The following CHRM4 variants were observed in gnomAD, a reference collection of about 807,000 sequenced individuals.
CHRM4 encodes the protein muscarinic acetylcholine receptor M4.
A neutral mutation model predicts 26.3 loss-of-function variants in CHRM4; 5 were observed. That is an observed-to-expected ratio of 0.19 (90% CI 0.10 to 0.40). The LOEUF is 0.40. Ranked by LOEUF, CHRM4 falls within the 10% of genes least tolerant of loss-of-function variation. The probability of loss-of-function intolerance (pLI) is 1.00; values close to 1 mark genes in which losing one functional copy is unlikely to be tolerated. For synonymous variants in CHRM4, 290 were observed against 285.3 expected (o/e 1.02, Z -0.16); for missense variants, 402 against 664.5 (o/e 0.60, Z 4.34).
Position 46,386,438 on chromosome 11 carries a change from G to T in CHRM4, c.120C>A (p.Gly40=). The part of the protein sequence containing the change: ...VEMVFIATVT[G]SLSLVTVVGN... ...CCACGACAGTCACCAGGCTCAGGGAGCCTGTCACTGTGGCAATGAAGACCA... is the reference window on the plus strand; with the variant it reads ...CCACGACAGTCACCAGGCTCAGGGATCCTGTCACTGTGGCAATGAAGACCA... The change falls in exon 2 of 2, where the codon GGC becomes GGA. Residue 40 remains glycine, a synonymous_variant. Coordinates refer to ENST00000682254, the MANE Select transcript of CHRM4 (RefSeq NM_000741.5). This position sits in a 1 kb window ranked among gnomAD's most constrained non-coding sequence, Gnocchi z 5.8. The T allele has an allele frequency of 6.2e-7, 1 of 1,613,922 alleles. No individual in the cohort carries two copies. The highest frequency in any genetic ancestry group is 1.3e-5 in the African/African-American group (1 of 75,034).
At position 46,391,251 on chromosome 11, in the gene CHRM4, G is replaced by A. The variant is rs940451714; in HGVS notation, c.-30+280C>T. The stretch of plus-strand genomic sequence containing the variant: ...GGGAAAAGGGCTCTTTGGGGCTTCA[G>A]CGCCCGGCGCCCTGCTGAGCCGCCA... On this transcript the variant is annotated intron_variant, in intron 1 of 1. Coordinates refer to ENST00000682254, the MANE Select transcript of CHRM4 (RefSeq NM_000741.5). The surrounding 1 kb of genome is among the most constrained non-coding windows in gnomAD (Gnocchi z 6.3). Among the ~76,000 whole-genome samples the A allele has an allele frequency of 4.6e-5, 7 of 152,122 alleles. No homozygotes were observed. The highest frequency in any genetic ancestry group is 1.0e-4 in the Non-Finnish European group (7 of 67,958).
Position 46,384,764 on chromosome 11 carries a change from T to C in CHRM4, c.*354A>G, listed in dbSNP as rs1293112410. On this transcript the variant is annotated 3_prime_UTR_variant, in exon 2 of 2. Coordinates refer to ENST00000682254, the MANE Select transcript of CHRM4 (RefSeq NM_000741.5). ...TTTCCAAGCACTGGCCCCTTTGTTC[T>C]TCCTGAGGGGGCCCTGGGCTTCGGC... is the stretch of plus-strand genomic sequence containing the variant. 6.6e-6 allele frequency among the ~76,000 whole-genome samples: 1 copy of C among 152,234 alleles called. No homozygotes were observed. The highest frequency in any genetic ancestry group is 6.5e-5 in the Admixed American group (1 of 15,290).
chr11:46,386,520 T>A lies in CHRM4; in HGVS notation c.38A>T (p.Asn13Ile). ...TGACGTGACCAGGCGCACGGACTGA[T>A]TGCCCGAGCTGCCATTGACAGGTGT... ...NFTPVNGSSG[N>I]QSVRLVTSSS... The change falls in exon 2 of 2, where the codon AAT (asparagine) becomes ATT (isoleucine). Residue 13 changes from asparagine to isoleucine, a missense_variant. Physicochemically the swap from Asn to Ile is moderately radical, Grantham distance 149 (BLOSUM62 -3). Coordinates refer to ENST00000682254, the MANE Select transcript of CHRM4 (RefSeq NM_000741.5). The surrounding 1 kb of genome is among the most constrained non-coding windows in gnomAD (Gnocchi z 5.8). The A allele has an allele frequency of 1.2e-6, 2 of 1,612,624 alleles. No individual in the cohort carries two copies. The highest frequency in any genetic ancestry group is 3.3e-5 in the Admixed American group (2 of 60,004).
Position 46,386,105 on chromosome 11 carries a change from G to A in CHRM4, c.453C>T (p.Leu151=). ...ACAGTACCCAGGCAGCAGCAATCAT[G>A]AGGCCTGCCATCTTGGTGGTGCGCC... is the stretch of plus-strand genomic sequence containing the variant. ...PARRTTKMAG[L]MIAAAWVLSF... Residue 151 remains leucine (L), a synonymous_variant, in exon 2 of 2, where the codon CTC becomes CTT. Transcript: ENST00000682254. This position sits in a 1 kb window ranked among gnomAD's most constrained non-coding sequence, Gnocchi z 5.8. 3 of 1,613,534 alleles carry A rather than the reference G, an allele frequency of 1.9e-6. No individual in the cohort carries two copies. Among genetic ancestry groups the A allele is most frequent in the Middle Eastern group, 1.6e-4 (1 of 6,062 alleles).
intron 1 of CHRM4, among the ~76,000 whole-genome samples, chr11:46,389,729 C>G (rs943265267): frequency 1.3e-5 from 2 of 152,220 alleles, no homozygotes; most frequent in Admixed American, 1.3e-4. Flanking sequence ...CCGTCGGACG[C>G]CGCCCCAGAG....
At position 46,386,022 on chromosome 11, in the gene CHRM4, G is replaced by T. The variant is rs759941649; in HGVS notation, c.536C>A (p.Thr179Lys). 2 of 1,613,062 alleles carry T rather than the reference G, an allele frequency of 1.2e-6. No individual in the cohort carries two copies. Among genetic ancestry groups the T allele is most frequent in the African/African-American group, 1.3e-5 (1 of 74,912 alleles). Residue 179 changes from threonine (T) to lysine (K), a missense_variant, in exon 2 of 2, where the codon ACG becomes AAG. By Grantham distance (78) the Thr-to-Lys change is moderately conservative. Coordinates refer to ENST00000682254, the MANE Select transcript of CHRM4 (RefSeq NM_000741.5). The surrounding 1 kb of genome is among the most constrained non-coding windows in gnomAD (Gnocchi z 5.8). The stretch of plus-strand genomic sequence containing the variant: ...GATGAAGCACTGGTTGTCGGGCACC[G>T]TCCGCTTACCCACCACAAACTGCCA... ...LFWQFVVGKRTVPDNQCFIQF... is the reference protein window; with the variant it reads ...LFWQFVVGKRKVPDNQCFIQF...
In CHRM4 at chr11:46,384,245, TGA is replaced by T. The variant is rs1425200533; in HGVS notation, c.*871_*872del. On this transcript the variant is annotated 3_prime_UTR_variant, in exon 2 of 2. Transcript: ENST00000682254. ...CTTCCCACTGTCATGGAAACCCGAG[TGA>T]GCCACCAGGTTGACCCCTTTCCTCT... 3.3e-5 allele frequency among the ~76,000 whole-genome samples: 5 copies of T among 152,176 alleles called. No homozygotes were observed. Among genetic ancestry groups the T allele is most frequent in the African/African-American group, 1.2e-4 (5 of 41,440 alleles).
intron 1 of CHRM4, among the ~76,000 whole-genome samples, chr11:46,389,023 T>C (rs534234601): frequency 1.3e-5 from 2 of 152,364 alleles, no homozygotes; most frequent in Admixed American, 6.5e-5. Flanking sequence ...AGTGTCCTCA[T>C]CTTACAGATG....
Position 46,385,564 on chromosome 11 carries a change from C to T in CHRM4, c.994G>A (p.Ala332Thr). 6.4e-7 allele frequency: 1 copy of T among 1,563,228 alleles called. No homozygotes were observed. ...AMPAPPLQPR[A>T]LNPASRWSKI... ...GACCATCTGGAGGCTGGGTTGAGGGCCCGCGGCTGCAGGGGAGGGGCGGGC... is the reference window on the plus strand; with the variant it reads ...GACCATCTGGAGGCTGGGTTGAGGGTCCGCGGCTGCAGGGGAGGGGCGGGC... The change falls in exon 2 of 2, where the codon GCC becomes ACC. Residue 332 changes from alanine to threonine, a missense_variant. Coordinates refer to ENST00000682254, the MANE Select transcript of CHRM4 (RefSeq NM_000741.5). The surrounding 1 kb of genome is among the most constrained non-coding windows in gnomAD (Gnocchi z 6.3).
rs1945301158 is a variant in CHRM4, at chr11:46,383,948, C to A, written c.*1170G>T. The A allele has an allele frequency of 3.8e-6, 1 of 260,944 alleles. No homozygotes were observed. The highest frequency in any genetic ancestry group is 2.3e-5 in the African/African-American group (1 of 44,312). 16.2% of individuals were successfully genotyped at this position (260,944 alleles called of 1,614,324 possible). On this transcript the variant is annotated 3_prime_UTR_variant, in exon 2 of 2. Coordinates refer to ENST00000682254, the MANE Select transcript of CHRM4 (RefSeq NM_000741.5). ...GCTTGGTGGTGGGTGCTCTCCAGAG[C>A]TCATGGAAAAAGCAGAACAATTACA...
rs1436805468 is a variant in CHRM4 at position 46,384,842 on chromosome 11, GC to G, written c.*275del. Among the ~76,000 whole-genome samples, 26 of 152,244 alleles carry G rather than the reference GC, an allele frequency of 1.7e-4. No homozygotes were observed. Among genetic ancestry groups the G allele is most frequent in the African/African-American group, 6.3e-4 (26 of 41,462 alleles). On this transcript the variant is annotated 3_prime_UTR_variant, in exon 2 of 2. Transcript: ENST00000682254. ...ACTGCTGATGGTTGGTCACAGTGGG[GC>G]AGGTGCCCACCCAGGCCAGTGCCCC...
intron 1 of CHRM4, among the ~76,000 whole-genome samples, chr11:46,389,291 T>C (rs970685553): frequency 6.6e-6 from 1 of 152,210 alleles, no homozygotes; most frequent in African/African-American, 2.4e-5. Flanking sequence ...AGACAAGCGA[T>C]GTCTTGTCTT....
rs1443582701 is a variant in CHRM4, at chr11:46,391,076, G to C, written c.-30+455C>G. On this transcript the variant is annotated intron_variant, in intron 1 of 1. Coordinates refer to ENST00000682254, the MANE Select transcript of CHRM4 (RefSeq NM_000741.5). This position sits in a 1 kb window ranked among gnomAD's most constrained non-coding sequence, Gnocchi z 6.3. ...GGCTTGGAGGCTGGGCAGCAAAGGG[G>C]GGTAGTACCGGAGCGGGGGAGGGGT... Among the ~76,000 whole-genome samples the C allele has an allele frequency of 6.6e-6, 1 of 152,084 alleles. No individual in the cohort carries two copies. The highest frequency in any genetic ancestry group is 1.5e-5 in the Non-Finnish European group (1 of 67,984).
In CHRM4 at chr11:46,385,754, G is replaced by C; in HGVS notation, c.804C>G (p.Arg268=). 1 of 1,597,760 alleles carries C rather than the reference G, an allele frequency of 6.3e-7. No individual in the cohort carries two copies. Among genetic ancestry groups the C allele is most frequent in the Non-Finnish European group, 8.5e-7 (1 of 1,171,744 alleles). Residue 268 remains arginine (R), a synonymous_variant, in exon 2 of 2, where the codon CGC becomes CGG. Transcript: ENST00000682254. This position sits in a 1 kb window ranked among gnomAD's most constrained non-coding sequence, Gnocchi z 6.3. ...PPGEAAREEL[R]NGKLEEAPPP... is the part of the protein sequence containing the mutation. ...GGGGGGCCTCCTCCAGCTTGCCATT[G>C]CGCAGCTCCTCCCGGGCGGCCTCCC...
chr11:46,385,557 T>C lies in CHRM4; in HGVS notation c.1001A>G (p.Asn334Ser). The change falls in exon 2 of 2, where the codon AAC becomes AGC. Residue 334 changes from asparagine to serine, a missense_variant. Asn to Ser is a conservative substitution (Grantham distance 46, BLOSUM62 1). Coordinates refer to ENST00000682254, the MANE Select transcript of CHRM4 (RefSeq NM_000741.5). This position sits in a 1 kb window ranked among gnomAD's most constrained non-coding sequence, Gnocchi z 6.3. ...GATCTTGGACCATCTGGAGGCTGGG[T>C]TGAGGGCCCGCGGCTGCAGGGGAGG... The part of the protein sequence containing the change: ...PAPPLQPRAL[N>S]PASRWSKIQI... The C allele has an allele frequency of 6.4e-7, 1 of 1,568,334 alleles. No homozygotes were observed. Among genetic ancestry groups the C allele is most frequent in the Non-Finnish European group, 8.7e-7 (1 of 1,151,364 alleles).
Position 46,384,998 on chromosome 11 carries a change from C to G in CHRM4, c.*120G>C. 1 of 1,402,812 alleles carries G rather than the reference C, an allele frequency of 7.1e-7. No homozygotes were observed. Among genetic ancestry groups the G allele is most frequent in the Non-Finnish European group, 9.5e-7 (1 of 1,057,828 alleles). 86.9% of individuals were successfully genotyped at this position (1,402,812 alleles called of 1,614,324 possible). A position where few individuals can be genotyped will look rare whatever the true frequency, so the allele number is the denominator to read the frequency against. ...CAGCCACAGAGCCTCTTCTGAACTT[C>G]CTCCTCAGCAAACGTGAACGCAGAA... On this transcript the variant is annotated 3_prime_UTR_variant, in exon 2 of 2. Coordinates refer to ENST00000682254, the MANE Select transcript of CHRM4 (RefSeq NM_000741.5).
Position 46,386,354 on chromosome 11 carries a change from G to C in CHRM4, c.204C>G (p.Asn68Lys). 1 of 1,614,024 alleles carries C rather than the reference G, an allele frequency of 6.2e-7. No homozygotes were observed. Among genetic ancestry groups the C allele is most frequent in the Non-Finnish European group, 8.5e-7 (1 of 1,179,938 alleles). The change falls in exon 2 of 2, where the codon AAC (asparagine) becomes AAG (lysine). Residue 68 changes from asparagine (N) to lysine (K), a missense_variant. Asn to Lys is a moderately conservative substitution (Grantham distance 94). Coordinates refer to ENST00000682254, the MANE Select transcript of CHRM4 (RefSeq NM_000741.5). This position sits in a 1 kb window ranked among gnomAD's most constrained non-coding sequence, Gnocchi z 5.8. ...CACACGCCAGGCTGAAGAGGAAGTA[G>C]TTGTTGACTGTCTGCAGCTGCCTGT... ...KVNRQLQTVN[N>K]YFLFSLACAD...
chr11:46,385,060 T>C lies in CHRM4; in HGVS notation c.*58A>G, dbSNP rs553550036. The C allele has an allele frequency of 6.0e-6, 9 of 1,501,160 alleles. No homozygotes were observed. In the South Asian group the frequency reaches 1.0e-4, roughly 17 times the overall value. The allele number at this position is 1,501,160 out of a possible 1,614,324, so 93.0% of individuals were successfully genotyped here. A position where few individuals can be genotyped will look rare whatever the true frequency, so the allele number is the denominator to read the frequency against. ...ACTCTTCCCCACAGCAAGTGAGCCG[T>C]GTGGTCCCCCCAGCACACGCACGCA... is the stretch of plus-strand genomic sequence containing the variant. On this transcript the variant is annotated 3_prime_UTR_variant, in exon 2 of 2. Transcript: ENST00000682254. This position sits in a 1 kb window ranked among gnomAD's most constrained non-coding sequence, Gnocchi z 6.3.
chr11:46,388,392 T>C (rs1945362504), intron 1 of CHRM4, among the ~76,000 whole-genome samples: 2 of 152,344 alleles, frequency 1.3e-5, no homozygotes, highest in South Asian at 2.1e-4. Context: ...CCAGCAGCTA[T>C]AGGGATTGGC....
Sources: gnomAD v4.1 joint callset for allele counts (sites outside exome capture counted in the v4.1 genomes callset) on GRCh38, gnomAD v4.1.1 for gene constraint, Gnocchi (gnomAD v3.1) non-coding constraint, MANE v1.5 for transcripts, NCBI Gene and HGNC (gene_info 2026-07-23, HGNC 2026-07-21) for gene names.